PIEZO1: variants seen among roughly 807,000 people sequenced by gnomAD.
The protein encoded by PIEZO1 is piezo-type mechanosensitive ion channel component 1.
Under a neutral mutation model 297.2 loss-of-function variants are expected in PIEZO1, and 296 were observed. The ratio of observed to expected loss-of-function variants is 1.00; its 90% CI spans 0.91 to 1.10. The LOEUF (loss-of-function observed/expected upper bound fraction) is 1.10. Among genes scored for constraint, PIEZO1 ranks in the 50% least tolerant of loss-of-function variants. The pLI, the probability that PIEZO1 is intolerant of heterozygous loss-of-function variation, is 0.00. For missense variants in PIEZO1, 5,018 were observed against 3,455.5 expected (o/e 1.45, Z -11.34); for synonymous variants, 2,427 against 1,507.5 (o/e 1.61, Z -14.13).
intron 2 of PIEZO1, among the ~76,000 whole-genome samples, chr16:88,748,640 G>C (rs1044942875): frequency 6.6e-6 from 1 of 152,110 alleles, no homozygotes; most frequent in African/African-American, 2.4e-5. Flanking sequence ...GTGGGCAGTT[G>C]GGGCCCATCC....
At chr16:88,771,025 C>G (rs532959702) in intron 1 of PIEZO1, among the ~76,000 whole-genome samples, 1 of 152,190 alleles carries the variant, frequency 6.6e-6, no homozygotes, top group South Asian at 2.1e-4. Flanking sequence ...CAGCTCCACC[C>G]TATCACGTCT....
At chr16:88,741,968 C>G in intron 4 of PIEZO1, 85 bp downstream of exon 4, 1 of 1,428,414 alleles carries the variant, frequency 7.0e-7, no homozygotes, top group Non-Finnish European at 9.5e-7. Context: ...AGGTCCCCCT[C>G]TGTCCCTCCT....
At chr16:88,751,833 G>A (rs1278219041) in intron 1 of PIEZO1, among the ~76,000 whole-genome samples, 1 of 152,174 alleles carries the variant, frequency 6.6e-6, no homozygotes, top group African/African-American at 2.4e-5. Flanking sequence ...CCTCCCCTCT[G>A]CACCTGTCCA....
chr16:88,783,020 T>C (rs1349235783), intron 1 of PIEZO1, among the ~76,000 whole-genome samples: 1 of 152,200 alleles, frequency 6.6e-6, no homozygotes, highest in Non-Finnish European at 1.5e-5. Flanking sequence ...GGGACCAGTT[T>C]TAGGTTTAAG....
At chr16:88,779,859 C>T (rs998354103) in intron 1 of PIEZO1, among the ~76,000 whole-genome samples, 2 of 152,222 alleles carry the variant, frequency 1.3e-5, no homozygotes, top group African/African-American at 4.8e-5. Flanking sequence ...GCCTGTGTTG[C>T]GGGTCTCCTG....
At position 88,727,502 on chromosome 16, in the gene PIEZO1, C is replaced by T. The variant is rs2242171; in HGVS notation, c.3301+55G>A. 420,473 of 687,338 alleles carry T rather than the reference C, an allele frequency of 0.61. 129,130 individuals carry two copies. The highest frequency in any genetic ancestry group is 0.71 in the East Asian group (25,560 of 35,766). 42.6% of individuals were successfully genotyped at this position (687,338 alleles called of 1,614,324 possible). On this transcript the variant is annotated intron_variant, in intron 23 of 50. Coordinates refer to ENST00000301015, the MANE Select transcript of PIEZO1 (RefSeq NM_001142864.4). The stretch of plus-strand genomic sequence containing the variant: ...GCACACTTGTGAGCAGATTTGGGGG[C>T]GTGAATGTACTCTGAGGGTCCTCTG...
At chr16:88,755,914 G>C (rs1176615427) in intron 1 of PIEZO1, among the ~76,000 whole-genome samples, 1 of 152,150 alleles carries the variant, frequency 6.6e-6, no homozygotes, top group Admixed American at 6.5e-5. Context: ...GGGCCAGGGG[G>C]TGGCAATTCC....
At position 88,732,439 on chromosome 16, in the gene PIEZO1, C is replaced by T. The variant is rs1213116629; in HGVS notation, c.2887G>A (p.Ala963Thr). ...RRQHQLAPLP[A>T]QAVFASGTRQ... is the part of the protein sequence containing the mutation. The stretch of plus-strand genomic sequence containing the variant: ...GTGCCGCTGGCAAACACGGCCTGGG[C>T]AGGCAGCGGGGCCAGCTGGTGCTGC... Residue 963 changes from alanine to threonine, a missense_variant, in exon 21 of 51, where the codon GCC becomes ACC. Physicochemically the swap from Ala to Thr is moderately conservative, Grantham distance 58. Coordinates refer to ENST00000301015, the MANE Select transcript of PIEZO1 (RefSeq NM_001142864.4). The T allele has an allele frequency of 5.8e-6, 9 of 1,549,584 alleles. No homozygotes were observed. Among genetic ancestry groups the T allele is most frequent in the Middle Eastern group, 1.7e-4 (1 of 6,008 alleles).
chr16:88,720,577 AC>A (rs1233746648), intron 40 of PIEZO1, 38 bp downstream of exon 40: 6 of 793,436 alleles, frequency 7.6e-6, no homozygotes, highest in Non-Finnish European at 1.1e-5. Context: ...CCGCCTCCCC[AC>A]CCCCACTCCC....
rs1056493410 is a variant in PIEZO1 at position 88,736,195 on chromosome 16, G to C, written c.1510C>G (p.Leu504Val). ...GGGTAGCGGGTGTGCTCCAGCCCCA[G>C]CTGGCGCAGGCTGACGGGGCCCAGG... ...TTLGPVSLRQ[L>V]GLEHTRYPCL... Residue 504 changes from leucine (L) to valine (V), a missense_variant, in exon 12 of 51, where the codon CTG becomes GTG. By Grantham distance (32) the Leu-to-Val change is conservative. Transcript: ENST00000301015. 46 of 1,549,538 alleles carry C rather than the reference G, an allele frequency of 3.0e-5. No homozygotes were observed. In the East Asian group the frequency reaches 9.5e-4, roughly 32 times the overall value.
At chr16:88,765,854 A>T (rs1465584221) in intron 1 of PIEZO1, among the ~76,000 whole-genome samples, 2 of 151,822 alleles carry the variant, frequency 1.3e-5, no homozygotes, top group Non-Finnish European at 2.9e-5. Context: ...TTCTATTTTC[A>T]GTAGAGATGG....
In PIEZO1 at chr16:88,785,062, G is replaced by A. The variant is rs1908120968; in HGVS notation, c.-98C>T. Reference sequence around the variant, plus strand: ...GGCCGGCGCGCCATGGCTGACCCGCGGGGACCCGCGCGCCGCCTTCTCCTC... The same window carrying A: ...GGCCGGCGCGCCATGGCTGACCCGCAGGGACCCGCGCGCCGCCTTCTCCTC... On this transcript the variant is annotated 5_prime_UTR_variant, in exon 1 of 51. Coordinates refer to ENST00000301015, the MANE Select transcript of PIEZO1 (RefSeq NM_001142864.4). 3 of 675,354 alleles carry A rather than the reference G, an allele frequency of 4.4e-6. No individual in the cohort carries two copies. Among genetic ancestry groups the A allele is most frequent in the East Asian group, 4.5e-5 (1 of 22,350 alleles). 41.8% of individuals were successfully genotyped at this position (675,354 alleles called of 1,614,324 possible). A position where few individuals can be genotyped will look rare whatever the true frequency, so the allele number is the denominator to read the frequency against.
In PIEZO1 at chr16:88,716,186, G is replaced by T. The variant is rs761778012; in HGVS notation, c.7129+12C>A. On this transcript the variant is annotated intron_variant, in intron 49 of 50. Transcript: ENST00000301015. ...CTCTCTAGCCTCCCCCAACCCCCAC[G>T]CCCATACTCACTGGGCTGCAGCTGC... 2 of 1,506,726 alleles carry T rather than the reference G, an allele frequency of 1.3e-6. No homozygotes were observed. The highest frequency in any genetic ancestry group is 1.8e-6 in the Non-Finnish European group (2 of 1,122,174). The allele number at this position is 1,506,726 out of a possible 1,614,324, so 93.3% of individuals were successfully genotyped here. A position where few individuals can be genotyped will look rare whatever the true frequency, so the allele number is the denominator to read the frequency against.
At chr16:88,737,328 C>T (rs1000686678) in intron 10 of PIEZO1, 1 of 508,058 alleles carries the variant, frequency 2.0e-6, no homozygotes, top group African/African-American at 2.1e-5. Flanking sequence ...ACGACGCGGC[C>T]ACTCAGCTGC....
At chr16:88,725,893 G>T in intron 27 of PIEZO1, 2 of 582,192 alleles carry the variant, frequency 3.4e-6, no homozygotes, top group Non-Finnish European at 6.1e-6. Flanking sequence ...AGATGCAGGG[G>T]CGTCTGGTGG....
At chr16:88,719,098 C>G (rs1234121042) in intron 44 of PIEZO1, 1 of 163,304 alleles carries the variant, frequency 6.1e-6, no homozygotes, top group African/African-American at 2.4e-5. Flanking sequence ...TACCTCCCTC[C>G]TGGGTCTCTT....
Position 88,720,521 on chromosome 16 carries a change from G to A in PIEZO1, c.5813C>T (p.Thr1938Ile). The A allele has an allele frequency of 5.2e-6, 8 of 1,550,084 alleles. No individual in the cohort carries two copies. Among genetic ancestry groups the A allele is most frequent in the South Asian group, 1.2e-5 (1 of 84,064 alleles). ...QGFCLSLAQGTYRPLRRFFHD... is the reference protein window; with the variant it reads ...QGFCLSLAQGIYRPLRRFFHD... Reference sequence around the variant, plus strand: ...GAAGAAGCGCCGTAGCGGCCGATATGTGCCCTGGGCCCTGCGGAAGGGGGC... The same window carrying A: ...GAAGAAGCGCCGTAGCGGCCGATATATGCCCTGGGCCCTGCGGAAGGGGGC... Residue 1938 changes from threonine (T) to isoleucine (I), a missense_variant, in exon 41 of 51, where the codon ACA becomes ATA. Coordinates refer to ENST00000301015, the MANE Select transcript of PIEZO1 (RefSeq NM_001142864.4).
intron 17 of PIEZO1, 27 bp downstream of exon 17, chr16:88,733,879 C>G: frequency 6.8e-7 from 1 of 1,474,340 alleles, no homozygotes; most frequent in Non-Finnish European, 9.0e-7. Context: ...GACTGGGTGG[C>G]AGCTGTGCTC....
At chr16:88,735,741 C>G (rs895330818) in intron 12 of PIEZO1, among the ~76,000 whole-genome samples, 3 of 152,274 alleles carry the variant, frequency 2.0e-5, no homozygotes, top group Admixed American at 1.3e-4. Flanking sequence ...ATGGCCTGCA[C>G]AGCTTGTCAC....
Sources: gnomAD v4.1 joint callset for allele counts (sites outside exome capture counted in the v4.1 genomes callset) on GRCh38, gnomAD v4.1.1 for gene constraint, MANE v1.5 for transcripts, NCBI Gene and HGNC (gene_info 2026-07-23, HGNC 2026-07-21) for gene names.